Variants in MEGF11 observed in about 807,000 individuals in gnomAD.
MEGF11 encodes the protein multiple EGF like domains 11, also known as multiple epidermal growth factor-like domains protein 11.
In MEGF11, 126 loss-of-function variants were observed where a neutral mutation model predicts 146.6. That is an observed-to-expected ratio of 0.86 (90% CI 0.74 to 1.00). The LOEUF is 1.00. MEGF11 is among the 50% of genes least tolerant of loss of function. The probability of loss-of-function intolerance (pLI) is 0.00; values close to 1 mark genes in which losing one functional copy is unlikely to be tolerated. For synonymous variants in MEGF11, 532 were observed against 583.4 expected (o/e 0.91, Z 1.27); for missense variants, 1,509 against 1,521.2 (o/e 0.99, Z 0.13).
At chr15:66,248,678 C>G (rs934480077) in intron 1 of MEGF11, among the ~76,000 whole-genome samples, 5 of 152,196 alleles carry the variant, frequency 3.3e-5, no homozygotes, top group African/African-American at 1.2e-4. Context: ...AGTCTCCTCC[C>G]ACCTCTGAGG....
At chr15:66,100,024 G>C (rs1263554231) in intron 4 of MEGF11, among the ~76,000 whole-genome samples, 1 of 152,180 alleles carries the variant, frequency 6.6e-6, no homozygotes, top group Non-Finnish European at 1.5e-5. Flanking sequence ...ATGAAAGGAG[G>C]CCCCAGTCCC....
intron 1 of MEGF11, among the ~76,000 whole-genome samples, chr15:66,249,577 G>T (rs2092342984): frequency 6.6e-6 from 1 of 152,162 alleles, no homozygotes; most frequent in African/African-American, 2.4e-5. Flanking sequence ...TCTTGGATGG[G>T]GAGGGGGAGG....
intron 5 of MEGF11, among the ~76,000 whole-genome samples, chr15:65,991,228 G>A (rs190858795): frequency 4.3e-4 from 65 of 152,262 alleles, no homozygotes; most frequent in South Asian, 1.2e-3. Flanking sequence ...GTGAGCACAC[G>A]CACGTGGGGA....
At chr15:66,048,953 T>C (rs1453008083) in intron 5 of MEGF11, among the ~76,000 whole-genome samples, 2 of 152,172 alleles carry the variant, frequency 1.3e-5, no homozygotes, top group Admixed American at 1.3e-4. Flanking sequence ...TGAGGTTAAA[T>C]GACCTTCAGC....
chr15:66,110,538 G>T (rs568804946), intron 4 of MEGF11, among the ~76,000 whole-genome samples: 1 of 152,104 alleles, frequency 6.6e-6, no homozygotes, highest in African/African-American at 2.4e-5. Flanking sequence ...CATCTCTCCC[G>T]CTAGACCATG....
intron 10 of MEGF11, among the ~76,000 whole-genome samples, chr15:65,957,090 C>T (rs1596904016): frequency 6.6e-6 from 1 of 152,192 alleles, no homozygotes; most frequent in Non-Finnish European, 1.5e-5. Context: ...ACACTGGAAA[C>T]AATATTCAGC....
chr15:66,008,411 G>GCACACACACACACA (rs995843726), intron 5 of MEGF11, among the ~76,000 whole-genome samples: 10 of 52,056 alleles, frequency 1.9e-4, no homozygotes, highest in African/African-American at 4.4e-4. Flanking sequence ...ACGCGCGCGC[G>GCACACACACACACA]CACACACACA....
At chr15:65,959,279 A>G (rs1242173421) in intron 9 of MEGF11, among the ~76,000 whole-genome samples, 1 of 152,222 alleles carries the variant, frequency 6.6e-6, no homozygotes, top group Non-Finnish European at 1.5e-5. Context: ...ATTAATGAGC[A>G]AACTAATTGT....
intron 3 of MEGF11, among the ~76,000 whole-genome samples, chr15:66,123,213 A>G (rs1347989330): frequency 2.0e-5 from 3 of 152,198 alleles, no homozygotes; most frequent in Non-Finnish European, 2.9e-5. Context: ...TATAATCTGC[A>G]GGAGGGCTGC....
chr15:66,136,318 T>C (rs577756088), intron 1 of MEGF11, among the ~76,000 whole-genome samples: 1 of 152,272 alleles, frequency 6.6e-6, no homozygotes, highest in South Asian at 2.1e-4. Flanking sequence ...CGGCACCCTT[T>C]GAAGATGGGC....
At chr15:66,253,342 G>T (rs2092403174) in intron 1 of MEGF11, among the ~76,000 whole-genome samples, 1 of 152,224 alleles carries the variant, frequency 6.6e-6, no homozygotes, top group Non-Finnish European at 1.5e-5. Flanking sequence ...CCGGAGGGCT[G>T]CGGCTGCCCA....
At chr15:65,917,057 T>C in intron 16 of MEGF11, 101 bp from the exon 17 acceptor site, 1 of 1,260,462 alleles carries the variant, frequency 7.9e-7, no homozygotes, top group Non-Finnish European at 1.1e-6. Flanking sequence ...GATGCCAAGA[T>C]GGACCTGGCT....
chr15:66,050,230 C>G (rs972825296), intron 5 of MEGF11, among the ~76,000 whole-genome samples: 1 of 152,106 alleles, frequency 6.6e-6, no homozygotes, highest in Non-Finnish European at 1.5e-5. Context: ...TGACTAGAGC[C>G]CCTACATTCT....
At chr15:66,241,810 C>G (rs2092216165) in intron 1 of MEGF11, among the ~76,000 whole-genome samples, 1 of 152,124 alleles carries the variant, frequency 6.6e-6, no homozygotes. Context: ...GCTACTCAAC[C>G]CAACACGCAA....
intron 1 of MEGF11, among the ~76,000 whole-genome samples, chr15:66,200,486 T>C (rs561000063): frequency 1.3e-5 from 2 of 152,340 alleles, no homozygotes; most frequent in East Asian, 3.9e-4. Flanking sequence ...GAAATGATTA[T>C]ACTTTTCCTA....
intron 4 of MEGF11, among the ~76,000 whole-genome samples, chr15:66,116,880 A>G (rs1297521278): frequency 6.6e-6 from 1 of 152,188 alleles, no homozygotes; most frequent in Non-Finnish European, 1.5e-5. Flanking sequence ...AGAGAGGTAA[A>G]GCCTTGCCTA....
chr15:66,142,926 T>G (rs534766926), intron 1 of MEGF11, among the ~76,000 whole-genome samples: 1 of 152,314 alleles, frequency 6.6e-6, no homozygotes, highest in African/African-American at 2.4e-5. Flanking sequence ...CCTTAACAGC[T>G]TCTCTAGGCC....
chr15:65,972,825 A>G (rs1246976768), intron 7 of MEGF11, among the ~76,000 whole-genome samples: 1 of 152,176 alleles, frequency 6.6e-6, no homozygotes, highest in East Asian at 1.9e-4. Flanking sequence ...TTTTCCATCA[A>G]AAAGAATTAC....
intron 1 of MEGF11, among the ~76,000 whole-genome samples, chr15:66,219,902 C>T (rs572491152): frequency 1.3e-5 from 2 of 152,052 alleles, no homozygotes; most frequent in African/African-American, 2.4e-5. Context: ...ACATCCATAC[C>T]GTATATATTA....
Sources: allele counts gnomAD v4.1 joint callset (sites outside exome capture counted in the v4.1 genomes callset), GRCh38; gene constraint gnomAD v4.1.1; transcripts MANE v1.5; gene names NCBI Gene and HGNC (gene_info 2026-07-23, HGNC 2026-07-21).